The following MECOM variants were observed in gnomAD, a reference collection of about 807,000 sequenced individuals.
MECOM encodes histone-lysine N-methyltransferase MECOM.
In MECOM, 13 loss-of-function variants were observed where a neutral mutation model predicts 116.3. The observed-to-expected ratio is 0.11, with a 90% CI of 0.07 to 0.18. The LOEUF (loss-of-function observed/expected upper bound fraction) is 0.18, where lower values mean the gene tolerates loss of function less well. Ranked by LOEUF, MECOM falls within the 10% of genes least tolerant of loss-of-function variation. The probability of loss-of-function intolerance (pLI) is 1.00; values close to 1 mark genes in which losing one functional copy is unlikely to be tolerated. For synonymous variants in MECOM, 528 were observed against 535.2 expected, an observed-to-expected ratio of 0.99 and a Z score of 0.19; for missense variants, 1,299 against 1,509.0, an observed-to-expected ratio of 0.86 and a Z score of 2.31.
chr3:169,552,153 T>C (rs1761477783), intron 1 of MECOM, among the ~76,000 whole-genome samples: 1 of 104,564 alleles, frequency 9.6e-6, no homozygotes, highest in African/African-American at 3.0e-5. Context: ...AACCATGAAA[T>C]TGTATACTTT....
chr3:169,479,527 C>A (rs1007328206), intron 1 of MECOM, among the ~76,000 whole-genome samples: 2 of 151,828 alleles, frequency 1.3e-5, no homozygotes, highest in Admixed American at 6.6e-5. Context: ...AAGATTACGG[C>A]CTTCACATGC....
At chr3:169,584,448 C>G (rs1014445053) in intron 1 of MECOM, among the ~76,000 whole-genome samples, 4 of 151,348 alleles carry the variant, frequency 2.6e-5, no homozygotes, top group Admixed American at 2.0e-4. Flanking sequence ...GCCTGTAGTC[C>G]CAGCTACTCA....
intron 10 of MECOM, among the ~76,000 whole-genome samples, chr3:169,104,600 G>T (rs1724710869): frequency 6.6e-6 from 1 of 152,040 alleles, no homozygotes; most frequent in Non-Finnish European, 1.5e-5. Context: ...TTATCTAGTG[G>T]TTTTAAATCA....
At chr3:169,481,322 G>T (rs1455967773) in intron 1 of MECOM, among the ~76,000 whole-genome samples, 1 of 152,160 alleles carries the variant, frequency 6.6e-6, no homozygotes, top group African/African-American at 2.4e-5. Context: ...GGAGGACGAG[G>T]CGGGTGGATC....
intron 2 of MECOM, among the ~76,000 whole-genome samples, chr3:169,290,670 T>C (rs1170987231): frequency 6.6e-6 from 1 of 152,212 alleles, no homozygotes; most frequent in Non-Finnish European, 1.5e-5. Context: ...TAAACTCTGA[T>C]GATGCTGATG....
chr3:169,586,495 A>C (rs1291537856), intron 1 of MECOM, among the ~76,000 whole-genome samples: 1 of 152,202 alleles, frequency 6.6e-6, no homozygotes, highest in Non-Finnish European at 1.5e-5. Flanking sequence ...AACCGTCCTT[A>C]AGGAATAGGT....
intron 2 of MECOM, among the ~76,000 whole-genome samples, chr3:169,336,912 G>A (rs1335178371): frequency 6.6e-6 from 1 of 152,082 alleles, no homozygotes; most frequent in Non-Finnish European, 1.5e-5. Context: ...TGTAATATTT[G>A]ATAGAAACAT....
chr3:169,231,884 C>T (rs1753446714), intron 2 of MECOM, among the ~76,000 whole-genome samples: 1 of 152,094 alleles, frequency 6.6e-6, no homozygotes, highest in African/African-American at 2.4e-5. Context: ...TATACTTGGT[C>T]CAGTTAAGAC....
At chr3:169,506,216 A>C (rs1229478917) in intron 1 of MECOM, among the ~76,000 whole-genome samples, 1 of 152,224 alleles carries the variant, frequency 6.6e-6, no homozygotes, top group Non-Finnish European at 1.5e-5. Context: ...TGCTGAAGCC[A>C]ACAACAGCTT....
chr3:169,186,331 A>AGGAG (rs1262017060), intron 2 of MECOM, among the ~76,000 whole-genome samples: 2 of 133,252 alleles, frequency 1.5e-5, no homozygotes, highest in Non-Finnish European at 3.2e-5. Flanking sequence ...AAAGGAAGGA[A>AGGAG]GGAGGGAGGG....
intron 1 of MECOM, among the ~76,000 whole-genome samples, chr3:169,637,074 T>A (rs1280929301): frequency 6.6e-6 from 1 of 152,084 alleles, no homozygotes; most frequent in African/African-American, 2.4e-5. Context: ...CAATGTTAGG[T>A]CATAAAAAGC....
At chr3:169,417,436 A>G (rs962058980) in intron 1 of MECOM, among the ~76,000 whole-genome samples, 1 of 152,220 alleles carries the variant, frequency 6.6e-6, no homozygotes, top group African/African-American at 2.4e-5. Context: ...TAGAATGGCA[A>G]TCATTAAAAA....
At chr3:169,175,091 C>G (rs1201030655) in intron 2 of MECOM, among the ~76,000 whole-genome samples, 1 of 152,068 alleles carries the variant, frequency 6.6e-6, no homozygotes, top group Non-Finnish European at 1.5e-5. Flanking sequence ...GTTTCTAGCT[C>G]TACAATTTTC....
At position 169,556,621 on chromosome 3, in the gene MECOM, A is replaced by T. The variant is rs971440876; in HGVS notation, c.37+106715T>A. 2.0e-5 allele frequency among the ~76,000 whole-genome samples: 3 copies of T among 152,124 alleles called. No individual in the cohort carries two copies. In the East Asian group the frequency reaches 5.8e-4, roughly 29 times the overall value. On this transcript the variant is annotated intron_variant, in intron 1 of 16. Coordinates refer to ENST00000651503, the MANE Select transcript of MECOM (RefSeq NM_004991.4). ...TTCAGTGACTCAATTCTAACAAGGAAAATAAAGAGAAGTGTCAGTGTGTGA... is the reference window on the plus strand; with the variant it reads ...TTCAGTGACTCAATTCTAACAAGGATAATAAAGAGAAGTGTCAGTGTGTGA...
intron 1 of MECOM, among the ~76,000 whole-genome samples, chr3:169,412,172 GC>G (rs1328146185): frequency 6.6e-6 from 1 of 151,488 alleles, no homozygotes; most frequent in Non-Finnish European, 1.5e-5. Context: ...TGTAATCCCA[GC>G]TACTTGGGAG....
Position 169,089,991 on chromosome 3 carries a change from G to A in MECOM, c.3401+9C>T, listed in dbSNP as rs1301595102. 1.2e-6 allele frequency: 2 copies of A among 1,610,714 alleles called. No individual in the cohort carries two copies. Among genetic ancestry groups the A allele is most frequent in the East Asian group, 2.2e-5 (1 of 44,856 alleles). ...TAGCTTAGTTTCTAAAGTCACCCAA[G>A]GTACTCACCTCACTGGGGATGTCTT... On this transcript the variant is annotated intron_variant, in intron 15 of 16. Transcript: ENST00000651503.
At chr3:169,405,343 A>G (rs1452319265) in intron 1 of MECOM, among the ~76,000 whole-genome samples, 1 of 152,204 alleles carries the variant, frequency 6.6e-6, no homozygotes, top group Non-Finnish European at 1.5e-5. Flanking sequence ...GAATTTGTTC[A>G]AAACAGATAA....
intron 1 of MECOM, among the ~76,000 whole-genome samples, chr3:169,511,352 A>T (rs1161410058): frequency 6.6e-6 from 1 of 152,236 alleles, no homozygotes; most frequent in Admixed American, 6.5e-5. Flanking sequence ...ATGAGGTCGA[A>T]GTATTTAACC....
intron 1 of MECOM, among the ~76,000 whole-genome samples, chr3:169,485,961 A>G (rs1239222980): frequency 0.027 from 2,331 of 87,132 alleles, 47 homozygotes; most frequent in African/African-American, 0.04. Flanking sequence ...ATGTACATAT[A>G]TACTATATAT....
Sources: gnomAD v4.1 joint callset for allele counts (sites outside exome capture counted in the v4.1 genomes callset) on GRCh38, gnomAD v4.1.1 for gene constraint, MANE v1.5 for transcripts, NCBI Gene and HGNC (gene_info 2026-07-23, HGNC 2026-07-21) for gene names.